Variants in CHN1 observed in about 807,000 individuals in gnomAD.
CHN1 encodes N-chimaerin.
CHN1 carries 37 observed loss-of-function variants against 59.5 expected under a neutral mutation model. The observed-to-expected ratio is 0.62, with a 90% CI of 0.48 to 0.82. The LOEUF (loss-of-function observed/expected upper bound fraction) is 0.82, where lower values mean the gene tolerates loss of function less well. Among genes scored for constraint, CHN1 ranks in the 40% least tolerant of loss-of-function variants. The pLI is 0.00. For missense variants in CHN1, 469 were observed against 571.0 expected (o/e 0.82, Z 1.82); for synonymous variants, 206 against 200.4 (o/e 1.03, Z -0.24).
chr2:174,801,439 T>G (rs1684718326), intron 12 of CHN1, among the ~76,000 whole-genome samples: 1 of 152,220 alleles, frequency 6.6e-6, no homozygotes, highest in Non-Finnish European at 1.5e-5. Context: ...TGCATGTCCT[T>G]GGCAGAATAT....
intron 6 of CHN1, chr2:174,847,800 A>AT (rs1686585714): frequency 2.0e-6 from 1 of 512,178 alleles, no homozygotes; most frequent in Non-Finnish European, 3.5e-6. Flanking sequence ...AAAAAAAAAA[A>AT]ATCAGTGGGA....
intron 7 of CHN1, among the ~76,000 whole-genome samples, chr2:174,831,968 T>C (rs1012602225): frequency 6.6e-6 from 1 of 152,148 alleles, no homozygotes; most frequent in African/African-American, 2.4e-5. Flanking sequence ...AGAAAATCTC[T>C]ATACCTACAT....
chr2:174,877,659 CAT>C (rs1179725263), intron 6 of CHN1, among the ~76,000 whole-genome samples, 179 bp downstream of exon 6: 9 of 152,086 alleles, frequency 5.9e-5, no homozygotes, highest in African/African-American at 1.9e-4. Context: ...ATTTACCTAA[CAT>C]ATTTTAATAG....
chr2:174,973,696 G>A (rs1690831847), intron 1 of CHN1, among the ~76,000 whole-genome samples: 1 of 152,194 alleles, frequency 6.6e-6, no homozygotes, highest in South Asian at 2.1e-4. Context: ...AGCTTTGGCA[G>A]TGCAGGACAG....
chr2:174,967,951 TA>T (rs1690645295), intron 1 of CHN1, among the ~76,000 whole-genome samples: 1 of 152,182 alleles, frequency 6.6e-6, no homozygotes, highest in Admixed American at 6.5e-5. Context: ...GTATTTAAAG[TA>T]GTGTGTTTAT....
intron 8 of CHN1, chr2:174,821,790 TA>T: frequency 2.3e-6 from 1 of 437,012 alleles, no homozygotes. Flanking sequence ...CTGTGAGAAA[TA>T]AATTTCTGTT....
At chr2:174,968,480 T>C (rs1024999143) in intron 1 of CHN1, among the ~76,000 whole-genome samples, 1 of 152,270 alleles carries the variant, frequency 6.6e-6, no homozygotes, top group Non-Finnish European at 1.5e-5. Context: ...TTAACTATCC[T>C]AAAGTATAGT....
At chr2:174,836,283 T>C (rs1686074939) in intron 7 of CHN1, among the ~76,000 whole-genome samples, 1 of 152,188 alleles carries the variant, frequency 6.6e-6, no homozygotes, top group African/African-American at 2.4e-5. Context: ...GGCTGTGGTT[T>C]TTATATACTT....
At chr2:174,860,350 CAGTG>C (rs1321634584) in intron 6 of CHN1, among the ~76,000 whole-genome samples, 1 of 152,024 alleles carries the variant, frequency 6.6e-6, no homozygotes, top group Admixed American at 6.6e-5. Context: ...ATTGGTAATT[CAGTG>C]AGTAATTATA....
intron 4 of CHN1, among the ~76,000 whole-genome samples, chr2:174,918,164 A>G (rs933256589): frequency 6.6e-6 from 1 of 152,190 alleles, no homozygotes; most frequent in African/African-American, 2.4e-5. Flanking sequence ...AAATAAAAAT[A>G]TATAGAATAA....
intron 8 of CHN1, among the ~76,000 whole-genome samples, chr2:174,815,915 A>C (rs1685237496): frequency 6.6e-6 from 1 of 152,166 alleles, no homozygotes; most frequent in African/African-American, 2.4e-5. Flanking sequence ...CCTAGTTTAC[A>C]AAGTTTTTTT....
chr2:174,961,713 AT>A (rs1690416759), intron 1 of CHN1, among the ~76,000 whole-genome samples: 1 of 152,184 alleles, frequency 6.6e-6, no homozygotes, highest in South Asian at 2.1e-4. Context: ...ATTGTTTTAC[AT>A]TCTGCAAATC....
At chr2:174,825,510 G>T (rs1685654702) in intron 7 of CHN1, among the ~76,000 whole-genome samples, 1 of 152,098 alleles carries the variant, frequency 6.6e-6, no homozygotes, top group African/African-American at 2.4e-5. Flanking sequence ...AAGAAGAAAG[G>T]ATTCAAATGT....
In CHN1 at chr2:174,800,146, C is replaced by A; in HGVS notation, c.1350G>T (p.Leu450=). Residue 450 remains leucine (L), a synonymous_variant, in exon 13 of 13, where the codon CTG becomes CTT. Transcript: ENST00000409900. ...DIRYQRLVVE[L]LIKNEDILF ...ATAAAATGTCTTCGTTTTTGATAAG[C>A]AGCTCCACCACCAGTCTCTGATACC... 6.4e-7 allele frequency: 1 copy of A among 1,568,008 alleles called. No individual in the cohort carries two copies. Among genetic ancestry groups the A allele is most frequent in the South Asian group, 1.3e-5 (1 of 79,966 alleles).
intron 5 of CHN1, among the ~76,000 whole-genome samples, chr2:174,887,291 T>G (rs1687922043): frequency 6.6e-6 from 1 of 151,952 alleles, no homozygotes; most frequent in East Asian, 1.9e-4. Flanking sequence ...ATCAACCTAT[T>G]AGATGAAAAA....
At chr2:174,914,928 TA>T (rs1688804088) in intron 5 of CHN1, 129 bp downstream of exon 5, 1 of 525,858 alleles carries the variant, frequency 1.9e-6, no homozygotes, top group Non-Finnish European at 3.4e-6. Flanking sequence ...TCAAAGCTAT[TA>T]AAATGGTAAT....
At chr2:174,856,178 T>C (rs963059238) in intron 6 of CHN1, among the ~76,000 whole-genome samples, 1 of 152,174 alleles carries the variant, frequency 6.6e-6, no homozygotes, top group Non-Finnish European at 1.5e-5. Context: ...GTATCAGAAC[T>C]CTATAAATTC....
At chr2:174,988,186 G>A (rs532545348) in intron 1 of CHN1, among the ~76,000 whole-genome samples, 27 of 151,964 alleles carry the variant, frequency 1.8e-4, no homozygotes, top group African/African-American at 2.4e-4. Flanking sequence ...GTGAAACCCC[G>A]TCTCTACTAA....
chr2:174,916,208 A>AT (rs1313899308), intron 4 of CHN1, among the ~76,000 whole-genome samples: 4 of 152,060 alleles, frequency 2.6e-5, no homozygotes, highest in Non-Finnish European at 5.9e-5. Context: ...ACAAACTATC[A>AT]TTTACCTTCC....
Sources: allele counts gnomAD v4.1 joint callset (sites outside exome capture counted in the v4.1 genomes callset), GRCh38; gene constraint gnomAD v4.1.1; transcripts MANE v1.5; gene names NCBI Gene and HGNC (gene_info 2026-07-23, HGNC 2026-07-21).